Variants in CCSER1 observed in about 807,000 individuals in gnomAD.
The protein encoded by CCSER1 is coiled-coil serine rich protein 1.
In CCSER1, 41 loss-of-function variants were observed where a neutral mutation model predicts 82.0. The ratio of observed to expected loss-of-function variants is 0.50; its 90% confidence interval spans 0.39 to 0.65. CCSER1 has a LOEUF of 0.65. CCSER1 is among the 30% of genes least tolerant of loss of function. CCSER1 has a pLI of 0.00. For synonymous variants in CCSER1, 414 were observed against 383.9 expected (o/e 1.08, Z -0.92); for missense variants, 1,119 against 1,064.2 (o/e 1.05, Z -0.72).
At chr4:90,749,251 CATGTG>C in intron 7 of CCSER1, among the ~76,000 whole-genome samples, 1 of 151,938 alleles carries the variant, frequency 6.6e-6, no homozygotes, top group Admixed American at 6.6e-5. Context: ...CAGCTTTCTA[CATGTG>C]GCTAGCCAGT....
intron 9 of CCSER1, among the ~76,000 whole-genome samples, chr4:90,947,706 G>A (rs1282428681): frequency 6.6e-6 from 1 of 152,044 alleles, no homozygotes; most frequent in Non-Finnish European, 1.5e-5. Flanking sequence ...ACACTTTTTA[G>A]TCATTTATCT....
intron 10 of CCSER1, among the ~76,000 whole-genome samples, chr4:91,554,808 C>G (rs1483089994): frequency 1.3e-5 from 2 of 151,094 alleles, no homozygotes; most frequent in Middle Eastern, 3.4e-3. Flanking sequence ...CTACAGTCAT[C>G]AAAAAAGATG....
At chr4:91,138,758 C>T (rs1434708084) in intron 10 of CCSER1, among the ~76,000 whole-genome samples, 1 of 147,026 alleles carries the variant, frequency 6.8e-6, no homozygotes, top group Non-Finnish European at 1.5e-5. Context: ...CAAACAACCC[C>T]ATCAAAAAGT....
At chr4:91,389,044 A>T (rs1181636815) in intron 10 of CCSER1, among the ~76,000 whole-genome samples, 2 of 152,106 alleles carry the variant, frequency 1.3e-5, no homozygotes, top group South Asian at 4.1e-4. Flanking sequence ...TTGGCTTCCA[A>T]TTCTTTTAAC....
rs143595057 is a variant in CCSER1 at position 90,737,884 on chromosome 4, A to T, written c.2010+13893A>T. On this transcript the variant is annotated intron_variant, in intron 7 of 10. Transcript: ENST00000509176. Reference sequence around the variant, plus strand: ...CTTGATCAGTTCTTCTGAGACTCTGATCTGTTCTTCAGTATTTCAATTGTA... The same window carrying T: ...CTTGATCAGTTCTTCTGAGACTCTGTTCTGTTCTTCAGTATTTCAATTGTA... Among the ~76,000 whole-genome samples the T allele has an allele frequency of 2.7e-3, 414 of 152,100 alleles. 3 individuals are homozygous for T. Among genetic ancestry groups the T allele is most frequent in the African/African-American group, 9.8e-3 (405 of 41,492 alleles).
intron 10 of CCSER1, among the ~76,000 whole-genome samples, chr4:91,359,130 G>A (rs563207295): frequency 2.0e-5 from 3 of 148,784 alleles, no homozygotes; most frequent in Non-Finnish European, 4.6e-5. Context: ...AAAGGGTCGT[G>A]ATTGATTTGA....
chr4:90,872,683 T>C (rs1354849989), intron 8 of CCSER1, among the ~76,000 whole-genome samples: 2 of 152,040 alleles, frequency 1.3e-5, no homozygotes. Flanking sequence ...ACTCTGTATT[T>C]GTCTGTCAAC....
intron 1 of CCSER1, among the ~76,000 whole-genome samples, chr4:90,219,339 G>T (rs1008542902): frequency 1.3e-5 from 2 of 152,156 alleles, no homozygotes; most frequent in African/African-American, 2.4e-5. Flanking sequence ...AGTTTGGAAA[G>T]AAATGATTAA....
At chr4:91,190,070 A>G (rs1275063791) in intron 10 of CCSER1, among the ~76,000 whole-genome samples, 2 of 152,130 alleles carry the variant, frequency 1.3e-5, no homozygotes, top group Admixed American at 6.5e-5. Flanking sequence ...CCCTGGCTAT[A>G]GCCTTAATTT....
Position 90,152,515 on chromosome 4 carries a change from G to A in CCSER1, c.-42+24684G>A, listed in dbSNP as rs143534807. Among the ~76,000 whole-genome samples, 463 of 152,270 alleles carry A rather than the reference G, an allele frequency of 3.0e-3. 3 individuals are homozygous for A. The highest frequency in any genetic ancestry group is 0.011 in the African/African-American group (439 of 41,554). ...ATGTGTACTGTTGGGGATGGGAAAGGGAGAATGGATCCTGAGTAGGCAGCC... is the reference window on the plus strand; with the variant it reads ...ATGTGTACTGTTGGGGATGGGAAAGAGAGAATGGATCCTGAGTAGGCAGCC... On this transcript the variant is annotated intron_variant, in intron 1 of 10. Transcript: ENST00000509176.
At chr4:91,228,268 AAC>A (rs1738362055) in intron 10 of CCSER1, among the ~76,000 whole-genome samples, 1 of 152,128 alleles carries the variant, frequency 6.6e-6, no homozygotes, top group Admixed American at 6.6e-5. Context: ...AAAACTAACA[AAC>A]ACATTTTTCT....
At chr4:90,243,850 T>A (rs779845134) in intron 1 of CCSER1, among the ~76,000 whole-genome samples, 1 of 152,166 alleles carries the variant, frequency 6.6e-6, no homozygotes, top group Non-Finnish European at 1.5e-5. Context: ...GGAACCTTTT[T>A]TTTTTTCGCT....
chr4:90,477,542 A>G (rs1217776731), intron 5 of CCSER1, among the ~76,000 whole-genome samples: 4 of 152,238 alleles, frequency 2.6e-5, no homozygotes, highest in East Asian at 3.8e-4. Flanking sequence ...CTAAGAATAC[A>G]TAATGTTCTG....
chr4:90,490,664 G>T (rs1308324258), intron 5 of CCSER1, among the ~76,000 whole-genome samples: 1 of 152,002 alleles, frequency 6.6e-6, no homozygotes, highest in African/African-American at 2.4e-5. Flanking sequence ...TGTCTAACAT[G>T]TAAGTCTTTA....
chr4:91,595,724 C>T (rs978954701), intron 10 of CCSER1, among the ~76,000 whole-genome samples: 2 of 151,990 alleles, frequency 1.3e-5, no homozygotes, highest in African/African-American at 4.8e-5. Context: ...AAGTGTCTGA[C>T]TTGAAGCTGA....
chr4:90,629,594 A>G (rs1292114539), intron 6 of CCSER1, among the ~76,000 whole-genome samples: 11 of 152,170 alleles, frequency 7.2e-5, no homozygotes. Flanking sequence ...AGGGATTATT[A>G]TGATTAAAGC....
At chr4:91,165,754 C>T (rs972019816) in intron 10 of CCSER1, among the ~76,000 whole-genome samples, 3 of 152,248 alleles carry the variant, frequency 2.0e-5, no homozygotes, top group African/African-American at 4.8e-5. Context: ...GGGATATAAT[C>T]TCCTGGTATG....
At chr4:90,835,653 A>C (rs552205921) in intron 8 of CCSER1, among the ~76,000 whole-genome samples, 1 of 152,152 alleles carries the variant, frequency 6.6e-6, no homozygotes, top group Non-Finnish European at 1.5e-5. Flanking sequence ...CATCATCGAT[A>C]ACATCTAATG....
chr4:90,248,477 A>G (rs560262273), intron 1 of CCSER1, among the ~76,000 whole-genome samples: 3 of 152,198 alleles, frequency 2.0e-5, no homozygotes, highest in Non-Finnish European at 4.4e-5. Flanking sequence ...TTTTGTCAGT[A>G]ATGTACACAT....
Sources: allele counts gnomAD v4.1 joint callset (sites outside exome capture counted in the v4.1 genomes callset), GRCh38; gene constraint gnomAD v4.1.1; transcripts MANE v1.5; gene names NCBI Gene and HGNC (gene_info 2026-07-23, HGNC 2026-07-21).